Variants in PPARGC1A observed in about 807,000 individuals in gnomAD.
The protein encoded by PPARGC1A is PPARG coactivator 1 alpha.
Under a neutral mutation model 88.7 loss-of-function variants are expected in PPARGC1A, and 25 were observed. That is an observed-to-expected ratio of 0.28 (90% CI 0.21 to 0.39). The LOEUF (loss-of-function observed/expected upper bound fraction) is 0.39, where lower values mean the gene tolerates loss of function less well. Among genes scored for constraint, PPARGC1A ranks in the 10% least tolerant of loss-of-function variants. The pLI is 1.00. For missense variants in PPARGC1A, 880 were observed against 968.7 expected (o/e 0.91, Z 1.22); for synonymous variants, 363 against 355.6 (o/e 1.02, Z -0.24).
the PPARGC1A span, among the ~76,000 whole-genome samples, chr4:24,165,747 T>C: frequency 1.3e-5 from 2 of 152,086 alleles, no homozygotes; most frequent in East Asian, 3.9e-4. Context: ...ATATAAGAGG[T>C]TGAACTTGAT....
At chr4:24,121,182 G>C in the PPARGC1A span, among the ~76,000 whole-genome samples, 1 of 152,224 alleles carries the variant, frequency 6.6e-6, no homozygotes, top group African/African-American at 2.4e-5. Flanking sequence ...AGGGTGGCCA[G>C]AGCTTACAGT....
At chr4:23,980,185 CAAAAAAAA>C in the PPARGC1A span, among the ~76,000 whole-genome samples, 1 of 89,516 alleles carries the variant, frequency 1.1e-5, no homozygotes, top group African/African-American at 4.4e-5. Context: ...TCCCAGCCAG[CAAAAAAAA>C]AAAAAAAAAA....
the PPARGC1A span, among the ~76,000 whole-genome samples, chr4:24,170,222 C>G: frequency 1.3e-5 from 2 of 152,108 alleles, no homozygotes; most frequent in Non-Finnish European, 2.9e-5. Flanking sequence ...ATCAGTTAGT[C>G]CCTCACAGTT....
chr4:24,179,268 T>C, the PPARGC1A span, among the ~76,000 whole-genome samples: 2 of 152,002 alleles, frequency 1.3e-5, no homozygotes, highest in African/African-American at 4.8e-5. Flanking sequence ...TTGTAACAAA[T>C]TGCAAAAGTA....
chr4:24,245,927 A>G, the PPARGC1A span, among the ~76,000 whole-genome samples: 328 of 77,306 alleles, frequency 4.2e-3, no homozygotes, highest in African/African-American at 0.015. Context: ...AGCCATGTGC[A>G]CACACACACA....
At chr4:24,445,560 A>G in the PPARGC1A span, among the ~76,000 whole-genome samples, 1 of 152,192 alleles carries the variant, frequency 6.6e-6, no homozygotes, top group Non-Finnish European at 1.5e-5. Context: ...CTCTCAGGAA[A>G]CATGTTGGTA....
chr4:23,925,244 C>G, the PPARGC1A span, among the ~76,000 whole-genome samples: 1 of 152,164 alleles, frequency 6.6e-6, no homozygotes, highest in Non-Finnish European at 1.5e-5. Context: ...CTGTCATTAT[C>G]AATCAATCTA....
At chr4:24,248,479 C>T in the PPARGC1A span, among the ~76,000 whole-genome samples, 1 of 151,760 alleles carries the variant, frequency 6.6e-6, no homozygotes, top group Admixed American at 6.6e-5. Context: ...AGCAGACACA[C>T]CACCTCTGGA....
In PPARGC1A at chr4:23,889,890, C is replaced by G. The variant is rs1269209853; in HGVS notation, c.54+14G>C. 6.2e-7 allele frequency: 1 copy of G among 1,612,810 alleles called. No individual in the cohort carries two copies. The highest frequency in any genetic ancestry group is 8.5e-7 in the Non-Finnish European group (1 of 1,179,356). On this transcript the variant is annotated intron_variant, in intron 1 of 12. Coordinates refer to ENST00000264867, the MANE Select transcript of PPARGC1A (RefSeq NM_013261.5). ...TCAGTTGTGGCTGCAGCGCCGAGCC[C>G]TGCCCCAGCTCACCTCGATGTCACT...
the PPARGC1A span, among the ~76,000 whole-genome samples, chr4:23,983,936 A>C: frequency 6.6e-6 from 1 of 152,040 alleles, no homozygotes; most frequent in Non-Finnish European, 1.5e-5. Flanking sequence ...CTACATGGCT[A>C]ACACAGTATT....
At chr4:24,386,945 C>CA in the PPARGC1A span, among the ~76,000 whole-genome samples, 1 of 152,084 alleles carries the variant, frequency 6.6e-6, no homozygotes, top group Admixed American at 6.6e-5. Flanking sequence ...CAATCCTAAG[C>CA]AAAAAGAACA....
chr4:24,143,627 TA>T, the PPARGC1A span, among the ~76,000 whole-genome samples: 1 of 151,226 alleles, frequency 6.6e-6, no homozygotes, highest in African/African-American at 2.5e-5. Context: ...GATAGATAGA[TA>T]GATAGATGAT....
At chr4:23,912,744 C>G in the PPARGC1A span, among the ~76,000 whole-genome samples, 1 of 151,860 alleles carries the variant, frequency 6.6e-6, no homozygotes, top group South Asian at 2.1e-4. Flanking sequence ...TCCAGCCTGC[C>G]CTACCAATTG....
chr4:23,997,147 G>T, the PPARGC1A span, among the ~76,000 whole-genome samples: 2 of 152,074 alleles, frequency 1.3e-5, no homozygotes, highest in African/African-American at 4.8e-5. Context: ...AGTAGCCTGA[G>T]ACCCACCAAA....
the PPARGC1A span, among the ~76,000 whole-genome samples, chr4:24,331,282 C>T: frequency 6.6e-6 from 1 of 152,152 alleles, no homozygotes; most frequent in Non-Finnish European, 1.5e-5. Context: ...CTGGAATACG[C>T]TTTCTTAGCT....
the PPARGC1A span, among the ~76,000 whole-genome samples, chr4:24,012,955 G>A: frequency 1.3e-5 from 2 of 151,994 alleles, no homozygotes; most frequent in Admixed American, 6.6e-5. Context: ...AAAACTGCAG[G>A]TCACCACAAG....
chr4:24,080,838 T>C, the PPARGC1A span, among the ~76,000 whole-genome samples: 4 of 152,128 alleles, frequency 2.6e-5, no homozygotes, highest in African/African-American at 9.7e-5. Context: ...TTGATTTGAC[T>C]CCAGAGCTCA....
intron 10 of PPARGC1A, among the ~76,000 whole-genome samples, chr4:23,808,269 C>A (rs1390923383): frequency 7.6e-6 from 1 of 131,572 alleles, no homozygotes. Flanking sequence ...AAAAAAAAAA[C>A]CCTGAGTAAT....
the PPARGC1A span, among the ~76,000 whole-genome samples, chr4:24,109,568 C>T: frequency 6.6e-6 from 1 of 152,110 alleles, no homozygotes. Flanking sequence ...TCTATTCATT[C>T]CCATCCCAAC....
Sources: gnomAD v4.1 joint callset for allele counts (sites outside exome capture counted in the v4.1 genomes callset) on GRCh38, gnomAD v4.1.1 for gene constraint, MANE v1.5 for transcripts, NCBI Gene and HGNC (gene_info 2026-07-23, HGNC 2026-07-21) for gene names.